The following ZNF713 variants were observed in gnomAD, a reference collection of about 807,000 sequenced individuals.
The protein encoded by ZNF713 is zinc finger protein 713.
Under a neutral mutation model 28.7 loss-of-function variants are expected in ZNF713, and 21 were observed. The ratio of observed to expected loss-of-function variants is 0.73; its 90% confidence interval spans 0.52 to 1.05. The LOEUF (loss-of-function observed/expected upper bound fraction) is 1.05. Among genes scored for constraint, ZNF713 ranks in the 50% least tolerant of loss-of-function variants. ZNF713 has a pLI of 0.00. For missense variants in ZNF713, 458 were observed against 532.4 expected, an observed-to-expected ratio of 0.86 and a Z score of 1.37; for synonymous variants, 167 against 178.0, an observed-to-expected ratio of 0.94 and a Z score of 0.49.
intron 4 of ZNF713, among the ~76,000 whole-genome samples, chr7:55,922,083 G>A (rs1177062716): frequency 6.6e-6 from 1 of 152,034 alleles, no homozygotes; most frequent in Non-Finnish European, 1.5e-5. Context: ...GTGCCACCAT[G>A]CCTGGCTATT....
At chr7:55,916,838 G>GA (rs1390754034) in intron 4 of ZNF713, among the ~76,000 whole-genome samples, 1 of 151,954 alleles carries the variant, frequency 6.6e-6, no homozygotes, top group Non-Finnish European at 1.5e-5. Context: ...AGTTATGCAA[G>GA]AAAAAAATGG....
chr7:55,894,800 A>G (rs1785444624), intron 1 of ZNF713, among the ~76,000 whole-genome samples: 1 of 152,234 alleles, frequency 6.6e-6, no homozygotes, highest in Non-Finnish European at 1.5e-5. Context: ...TATATTATGA[A>G]TCTATTAAGA....
At position 55,940,213 on chromosome 7, in the gene ZNF713, C is replaced by T; in HGVS notation, c.*207C>T. On this transcript the variant is annotated 3_prime_UTR_variant, in exon 7 of 7. Coordinates refer to ENST00000429591, the MANE Select transcript of ZNF713 (RefSeq NM_182633.3). ...TCTTGGCTCACTGCAACCTCTGCCA[C>T]CTGGGTTCAAGCGATTCTCCTGCCT... 1.1e-6 allele frequency: 1 copy of T among 888,030 alleles called. No individual in the cohort carries two copies. The highest frequency in any genetic ancestry group is 1.5e-6 in the Non-Finnish European group (1 of 648,300). 55.0% of individuals were successfully genotyped at this position (888,030 alleles called of 1,614,324 possible).
At chr7:55,888,834 G>T (rs1156444971) in intron 1 of ZNF713, among the ~76,000 whole-genome samples, 1 of 151,958 alleles carries the variant, frequency 6.6e-6, no homozygotes, top group Non-Finnish European at 1.5e-5. Context: ...GATCACTTGA[G>T]CTCATGAGTT....
intron 1 of ZNF713, among the ~76,000 whole-genome samples, chr7:55,903,667 A>G (rs1368070015): frequency 2.7e-5 from 2 of 73,618 alleles, no homozygotes; most frequent in African/African-American, 1.4e-4. Context: ...ACTGTGTCTT[A>G]AAAAAAAAAA....
chr7:55,912,651 T>C lies in ZNF713; in HGVS notation c.15T>C (p.Asn5=), dbSNP rs1260092789. The C allele has an allele frequency of 1.2e-6, 2 of 1,612,574 alleles. No individual in the cohort carries two copies. Among genetic ancestry groups the C allele is most frequent in the Non-Finnish European group, 1.7e-6 (2 of 1,179,348 alleles). The change falls in exon 4 of 7, where the codon AAT becomes AAC. Residue 5 remains asparagine (N), a synonymous_variant. Coordinates refer to ENST00000429591, the MANE Select transcript of ZNF713 (RefSeq NM_182633.3). ...TTTTCCTAGTTATGCCTTCTCAGAATGCTGTTTTTTCTCAGGAGGGGAACA... is the reference window on the plus strand; with the variant it reads ...TTTTCCTAGTTATGCCTTCTCAGAACGCTGTTTTTTCTCAGGAGGGGAACA... MPSQ[N]AVFSQEGNME... is the part of the protein sequence containing the mutation.
At chr7:55,901,269 A>C (rs1413684422) in intron 1 of ZNF713, among the ~76,000 whole-genome samples, 2 of 152,080 alleles carry the variant, frequency 1.3e-5, no homozygotes, top group African/African-American at 4.8e-5. Context: ...AGAGAGAGAG[A>C]GCTTATGCAG....
chr7:55,917,652 C>T (rs1785909407), intron 4 of ZNF713, among the ~76,000 whole-genome samples: 1 of 151,726 alleles, frequency 6.6e-6, no homozygotes, highest in Non-Finnish European at 1.5e-5. Context: ...TTGCAGTAAG[C>T]CATGTTTGCA....
chr7:55,923,610 A>G lies in ZNF713; in HGVS notation c.218A>G (p.Tyr73Cys), dbSNP rs776238470. 8.8e-6 allele frequency: 14 copies of G among 1,599,030 alleles called. No homozygotes were observed. In the East Asian group the frequency reaches 1.8e-4, roughly 21 times the overall value. Reference sequence around the variant, plus strand: ...TGTATGTTACTCCTGTGAATAGGGTATCAGCTTTGTAAGCCAGAGGTAATC... The same window carrying G: ...TGTATGTTACTCCTGTGAATAGGGTGTCAGCTTTGTAAGCCAGAGGTAATC... Reference protein sequence around the residue: ...ENYRNLVALGYQLCKPEVIAQ... With the variant: ...ENYRNLVALGCQLCKPEVIAQ... The change falls in exon 6 of 7, where the codon TAT (tyrosine) becomes TGT (cysteine). Residue 73 changes from tyrosine (Y) to cysteine (C), a missense_variant. By Grantham distance (194) the Tyr-to-Cys change is radical (BLOSUM62 -2). Coordinates refer to ENST00000429591, the MANE Select transcript of ZNF713 (RefSeq NM_182633.3).
intron 1 of ZNF713, among the ~76,000 whole-genome samples, chr7:55,899,301 C>T (rs1025977830): frequency 6.6e-5 from 9 of 136,800 alleles, no homozygotes; most frequent in African/African-American, 1.1e-4. Context: ...TGCAGTGAGC[C>T]GAGATCGTGC....
At chr7:55,933,307 G>A (rs1360685239) in intron 6 of ZNF713, among the ~76,000 whole-genome samples, 1 of 151,992 alleles carries the variant, frequency 6.6e-6, no homozygotes, top group Non-Finnish European at 1.5e-5. Flanking sequence ...ATTTTTGTTT[G>A]TTTGTTTGTG....
Position 55,921,184 on chromosome 7 carries a change from C to T in ZNF713, c.88-1978C>T, listed in dbSNP as rs150745476. On this transcript the variant is annotated intron_variant, in intron 4 of 6. Transcript: ENST00000429591. Reference sequence around the variant, plus strand: ...AAACCCACTGTTAAGAACCACTGCTCAGGAAAAAAAAAAAATCCCTTTAAA... The same window carrying T: ...AAACCCACTGTTAAGAACCACTGCTTAGGAAAAAAAAAAAATCCCTTTAAA... Among the ~76,000 whole-genome samples the T allele has an allele frequency of 9.2e-4, 139 of 150,962 alleles. 2 individuals are homozygous for T. Among genetic ancestry groups the T allele is most frequent in the African/African-American group, 3.2e-3 (131 of 41,160 alleles).
chr7:55,920,116 A>G (rs909580078), intron 4 of ZNF713, among the ~76,000 whole-genome samples: 1 of 152,122 alleles, frequency 6.6e-6, no homozygotes, highest in African/African-American at 2.4e-5. Context: ...CTGAGCATTC[A>G]AGTGAAAGGA....
rs771679504 is a variant in ZNF713 at position 55,939,931 on chromosome 7, C to T, written c.1257C>T (p.Ile419=). 17 of 1,613,294 alleles carry T rather than the reference C, an allele frequency of 1.1e-5. No individual in the cohort carries two copies. In the African/African-American group the frequency reaches 1.2e-4, roughly 11 times the overall value. The change falls in exon 7 of 7, where the codon ATC becomes ATT. Residue 419 remains isoleucine (I), a synonymous_variant. Coordinates refer to ENST00000429591, the MANE Select transcript of ZNF713 (RefSeq NM_182633.3). ...QSAHLNQHRK[I]HTREKLCEYK... ...CACACCTTAATCAACACAGGAAAATCCATACTCGGGAGAAATTATGTGAAT... is the reference window on the plus strand; with the variant it reads ...CACACCTTAATCAACACAGGAAAATTCATACTCGGGAGAAATTATGTGAAT...
chr7:55,918,330 A>T, intron 4 of ZNF713: 1 of 244,014 alleles, frequency 4.1e-6, no homozygotes, highest in East Asian at 9.6e-5. Flanking sequence ...GAATCCTCCA[A>T]TCCCCAGTCA....
intron 1 of ZNF713, among the ~76,000 whole-genome samples, chr7:55,904,508 G>T (rs1390971334): frequency 7.5e-6 from 1 of 133,748 alleles, no homozygotes; most frequent in Non-Finnish European, 1.6e-5. Context: ...TCCATTGCAT[G>T]AACAACAACA....
chr7:55,910,802 C>T (rs749061745), intron 2 of ZNF713, among the ~76,000 whole-genome samples: 2 of 152,040 alleles, frequency 1.3e-5, no homozygotes, highest in South Asian at 2.1e-4. Flanking sequence ...GGCTCCACTG[C>T]GCCCCAGCTT....
chr7:55,914,052 A>G (rs1785835783), intron 4 of ZNF713, among the ~76,000 whole-genome samples: 1 of 151,530 alleles, frequency 6.6e-6, no homozygotes, highest in South Asian at 2.1e-4. Flanking sequence ...CAGAGGTTGC[A>G]GTAAGCCAAG....
At chr7:55,910,348 AGT>A (rs1785763481) in intron 2 of ZNF713, among the ~76,000 whole-genome samples, 1 of 152,018 alleles carries the variant, frequency 6.6e-6, no homozygotes, top group Non-Finnish European at 1.5e-5. Flanking sequence ...TAGTGGTGAG[AGT>A]GTGCATCCTT....
Sources: gnomAD v4.1 joint callset for allele counts (sites outside exome capture counted in the v4.1 genomes callset) on GRCh38, gnomAD v4.1.1 for gene constraint, MANE v1.5 for transcripts, NCBI Gene and HGNC (gene_info 2026-07-23, HGNC 2026-07-21) for gene names.